The following RABGAP1L variants were observed in gnomAD, a reference collection of about 807,000 sequenced individuals.
RABGAP1L encodes RAB GTPase activating protein 1 like.
A neutral mutation model predicts 137.7 loss-of-function variants in RABGAP1L; 63 were observed. The ratio of observed to expected loss-of-function variants is 0.46; its 90% CI spans 0.37 to 0.56. The LOEUF is 0.56. Among genes scored for constraint, RABGAP1L ranks in the 20% least tolerant of loss-of-function variants. The pLI, the probability that RABGAP1L is intolerant of heterozygous loss-of-function variation, is 0.00. For missense variants in RABGAP1L, 1,095 were observed against 1,244.0 expected (o/e 0.88, Z 1.80); for synonymous variants, 431 against 433.7 (o/e 0.99, Z 0.08).
rs1264990921 is a variant in RABGAP1L at position 174,863,872 on chromosome 1, C to T, written c.2340+51912C>T. Among the ~76,000 whole-genome samples, 5 of 151,526 alleles carry T rather than the reference C, an allele frequency of 3.3e-5. No individual in the cohort carries two copies. The East Asian group carries it at 5.8e-4, about 18-fold the overall frequency. On this transcript the variant is annotated intron_variant, in intron 19 of 25. Coordinates refer to ENST00000681986, the MANE Select transcript of RABGAP1L (RefSeq NM_001366446.1). ...GTGTGTGCCTATAATCCTAGCTACTCGGGAGGCTGAGGCAGGAGAATTGCT... is the reference window on the plus strand; with the variant it reads ...GTGTGTGCCTATAATCCTAGCTACTTGGGAGGCTGAGGCAGGAGAATTGCT...
At chr1:174,605,026 A>G (rs1223004995) in intron 13 of RABGAP1L, among the ~76,000 whole-genome samples, 1 of 152,136 alleles carries the variant, frequency 6.6e-6, no homozygotes, top group Non-Finnish European at 1.5e-5. Flanking sequence ...CTGTAATCCT[A>G]GCTTCTCAGG....
chr1:174,731,935 G>A (rs539620110), intron 17 of RABGAP1L, among the ~76,000 whole-genome samples: 1 of 152,328 alleles, frequency 6.6e-6, no homozygotes, highest in South Asian at 2.1e-4. Flanking sequence ...GGGCGTGGTG[G>A]TTCACACCTG....
At chr1:174,752,509 C>G (rs998397497) in intron 18 of RABGAP1L, among the ~76,000 whole-genome samples, 155 bp downstream of exon 18, 1 of 152,096 alleles carries the variant, frequency 6.6e-6, no homozygotes, top group Non-Finnish European at 1.5e-5. Context: ...CTTCCCTCCT[C>G]TCATCTTTTT....
At chr1:174,926,619 GTCTT>G (rs1364967563) in intron 19 of RABGAP1L, among the ~76,000 whole-genome samples, 1 of 151,588 alleles carries the variant, frequency 6.6e-6, no homozygotes, top group Non-Finnish European at 1.5e-5. Context: ...ACTTGTTAAT[GTCTT>G]TCTAAGTGGT....
At chr1:174,904,808 C>G (rs1213082507) in intron 19 of RABGAP1L, among the ~76,000 whole-genome samples, 1 of 151,988 alleles carries the variant, frequency 6.6e-6, no homozygotes, top group African/African-American at 2.4e-5. Context: ...GCCACCATGC[C>G]CAGCTAATTT....
chr1:174,254,287 T>C (rs1672940596), intron 7 of RABGAP1L, among the ~76,000 whole-genome samples: 1 of 152,224 alleles, frequency 6.6e-6, no homozygotes, highest in Non-Finnish European at 1.5e-5. Context: ...GTTTTCATAT[T>C]GAACATCTCT....
At position 174,551,021 on chromosome 1, in the gene RABGAP1L, T is replaced by TATATATAC. The variant is rs1553330343; in HGVS notation, c.1711-86353_1711-86352insTATATACA. Among the ~76,000 whole-genome samples the TATATATAC allele has an allele frequency of 9.8e-4, 120 of 122,788 alleles. 2 individuals carry two copies. The highest frequency in any genetic ancestry group is 3.8e-3 in the African/African-American group (99 of 26,196). The allele number at this position is 122,788 out of a possible 152,430, so 80.6% of individuals were successfully genotyped here. A position where few individuals can be genotyped will look rare whatever the true frequency, so the allele number is the denominator to read the frequency against. ...ACACATATATATATATATATATATA[T>TATATATAC]ACATACACACACACACATATATATA... is the stretch of plus-strand genomic sequence containing the variant. On this transcript the variant is annotated intron_variant, in intron 13 of 25. Transcript: ENST00000681986.
intron 10 of RABGAP1L, among the ~76,000 whole-genome samples, chr1:174,280,782 G>A (rs761784175): frequency 2.0e-5 from 3 of 152,210 alleles, no homozygotes; most frequent in South Asian, 2.1e-4. Flanking sequence ...TTTTGTGTCC[G>A]GAATTGGTTC....
intron 14 of RABGAP1L, among the ~76,000 whole-genome samples, chr1:174,652,623 C>T (rs1288620309): frequency 1.3e-5 from 2 of 152,210 alleles, no homozygotes; most frequent in African/African-American, 4.8e-5. Context: ...GTATCACCAG[C>T]ATAGGCTTCA....
intron 13 of RABGAP1L, among the ~76,000 whole-genome samples, chr1:174,396,824 A>T (rs1376841049): frequency 6.6e-6 from 1 of 152,086 alleles, no homozygotes; most frequent in East Asian, 1.9e-4. Context: ...TAACTATACA[A>T]CTTGCAAAAA....
intron 11 of RABGAP1L, among the ~76,000 whole-genome samples, chr1:174,369,745 A>G (rs1437103828): frequency 6.6e-6 from 1 of 152,150 alleles, no homozygotes; most frequent in Non-Finnish European, 1.5e-5. Flanking sequence ...ACAGTTGCTT[A>G]TGTGAGGTAT....
intron 17 of RABGAP1L, among the ~76,000 whole-genome samples, chr1:174,752,078 A>T (rs1436491667): frequency 6.6e-6 from 1 of 152,206 alleles, no homozygotes; most frequent in Non-Finnish European, 1.5e-5. Flanking sequence ...GACTGAAGGG[A>T]AATAACTTAT....
At chr1:174,653,603 C>G (rs993348572) in intron 14 of RABGAP1L, among the ~76,000 whole-genome samples, 13 of 152,200 alleles carry the variant, frequency 8.5e-5, no homozygotes, top group Non-Finnish European at 1.9e-4. Flanking sequence ...TACCCACTGT[C>G]TAACCAGTCT....
chr1:174,266,483 G>T (rs1237368716), intron 7 of RABGAP1L, among the ~76,000 whole-genome samples: 1 of 152,004 alleles, frequency 6.6e-6, no homozygotes, highest in Non-Finnish European at 1.5e-5. Context: ...TTGTAGTTAT[G>T]GTATACATTA....
At chr1:174,915,421 A>G (rs998201268) in intron 19 of RABGAP1L, among the ~76,000 whole-genome samples, 2 of 151,768 alleles carry the variant, frequency 1.3e-5, no homozygotes, top group Non-Finnish European at 2.9e-5. Flanking sequence ...TGCCCTTTAT[A>G]TATTTTCTTT....
At chr1:174,583,324 A>T (rs1230462057) in intron 13 of RABGAP1L, among the ~76,000 whole-genome samples, 1 of 152,132 alleles carries the variant, frequency 6.6e-6, no homozygotes, top group Non-Finnish European at 1.5e-5. Context: ...AGGGAGTCAA[A>T]GGCTCTCTTC....
At chr1:174,328,122 C>T (rs1680714496) in intron 11 of RABGAP1L, among the ~76,000 whole-genome samples, 1 of 150,184 alleles carries the variant, frequency 6.7e-6, no homozygotes, top group Admixed American at 6.6e-5. Context: ...ACCTCACTTT[C>T]AACAATGGAC....
At chr1:174,221,821 G>A (rs1406588538) in intron 3 of RABGAP1L, among the ~76,000 whole-genome samples, 1 of 152,126 alleles carries the variant, frequency 6.6e-6, no homozygotes, top group Non-Finnish European at 1.5e-5. Flanking sequence ...GCAGAAACTG[G>A]TAGGTAAGGG....
At chr1:174,543,953 C>T (rs567502846) in intron 13 of RABGAP1L, among the ~76,000 whole-genome samples, 60 of 152,326 alleles carry the variant, frequency 3.9e-4, no homozygotes, top group African/African-American at 1.3e-3. Context: ...AAACTTTCTG[C>T]CGAGAGATCC....
Sources: gnomAD v4.1 joint callset for allele counts (sites outside exome capture counted in the v4.1 genomes callset) on GRCh38, gnomAD v4.1.1 for gene constraint, MANE v1.5 for transcripts, NCBI Gene and HGNC (gene_info 2026-07-23, HGNC 2026-07-21) for gene names.